CNBD2: variants seen among roughly 807,000 people sequenced by gnomAD.
The protein encoded by CNBD2 is cyclic nucleotide-binding domain-containing protein 2.
In CNBD2, 64 loss-of-function variants were observed where a neutral mutation model predicts 63.7. The observed-to-expected ratio is 1.00, with a 90% CI of 0.82 to 1.24. CNBD2 has a LOEUF of 1.24. Ranked by LOEUF, CNBD2 falls within the 50% of genes most tolerant of loss-of-function variation. The probability of loss-of-function intolerance (pLI) is 0.00; values close to 1 mark genes in which losing one functional copy is unlikely to be tolerated. For synonymous variants in CNBD2, 229 were observed against 255.4 expected (o/e 0.90, Z 0.99); for missense variants, 691 against 713.5 (o/e 0.97, Z 0.36).
chr20:36,000,891 G>C (rs2147291599), intron 8 of CNBD2, among the ~76,000 whole-genome samples: 1 of 151,632 alleles, frequency 6.6e-6, no homozygotes, highest in Non-Finnish European at 1.5e-5. Flanking sequence ...AGAGGACCCT[G>C]CGGCCTTCCG....
chr20:35,988,780 G>A (rs76289949), intron 7 of CNBD2, among the ~76,000 whole-genome samples: 2,388 of 152,168 alleles, frequency 0.016, 57 homozygotes, highest in African/African-American at 0.054. Flanking sequence ...TGTCCAGGAT[G>A]TACATTTTTG....
At chr20:35,994,357 G>A (rs558994925) in intron 7 of CNBD2, among the ~76,000 whole-genome samples, 2 of 150,098 alleles carry the variant, frequency 1.3e-5, no homozygotes, top group African/African-American at 4.9e-5. Context: ...GAGCCACAAG[G>A]CCGGCTTAAT....
In CNBD2 at chr20:36,030,663, G is replaced by A; in HGVS notation, c.*15G>A. 1.9e-6 allele frequency: 3 copies of A among 1,613,148 alleles called. No homozygotes were observed. The highest frequency in any genetic ancestry group is 1.1e-5 in the South Asian group (1 of 91,028). ...TCTTGGCTTAGTGTAAGAGCACAGGGGTCCTTATTTAGGACAAATAAAGGA... is the reference window on the plus strand; with the variant it reads ...TCTTGGCTTAGTGTAAGAGCACAGGAGTCCTTATTTAGGACAAATAAAGGA... On this transcript the variant is annotated 3_prime_UTR_variant, in exon 12 of 12. Coordinates refer to ENST00000373973, the MANE Select transcript of CNBD2 (RefSeq NM_001365709.1).
At chr20:35,975,367 C>A (rs2056496459) in intron 2 of CNBD2, among the ~76,000 whole-genome samples, 1 of 113,900 alleles carries the variant, frequency 8.8e-6, no homozygotes. Context: ...GTGGCGCGAT[C>A]TCGGCTCACT....
chr20:35,956,688 A>G (rs757692588), downstream of CNBD2, among the ~76,000 whole-genome samples: 1 of 152,238 alleles, frequency 6.6e-6, no homozygotes, highest in South Asian at 2.1e-4. Flanking sequence ...AGTGACCAAC[A>G]GTGCTATTCC....
chr20:36,002,449 A>C (rs539313563), intron 8 of CNBD2, among the ~76,000 whole-genome samples: 122 of 152,014 alleles, frequency 8.0e-4, no homozygotes, highest in African/African-American at 2.8e-3. Flanking sequence ...AGGGAGAGGG[A>C]GAGCCTAATT....
chr20:36,023,825 C>A, intron 11 of CNBD2, 54 bp downstream of exon 11: 1 of 1,460,904 alleles, frequency 6.8e-7, no homozygotes, highest in Non-Finnish European at 9.2e-7. Flanking sequence ...CAATTTTTCA[C>A]CTGTTATTTT....
intron 3 of CNBD2, among the ~76,000 whole-genome samples, chr20:35,976,699 C>T (rs1338342529): frequency 2.0e-5 from 3 of 152,158 alleles, no homozygotes; most frequent in Admixed American, 6.5e-5. Flanking sequence ...ATCTTCTTGG[C>T]TTCTCTCCAT....
chr20:35,995,273 C>T, intron 8 of CNBD2, 121 bp downstream of exon 8: 1 of 601,568 alleles, frequency 1.7e-6, no homozygotes, highest in Non-Finnish European at 2.9e-6. Flanking sequence ...CATCTGCACC[C>T]TTCTACCAGC....
At chr20:35,996,810 A>G (rs2056832184) in intron 8 of CNBD2, among the ~76,000 whole-genome samples, 1 of 152,112 alleles carries the variant, frequency 6.6e-6, no homozygotes, top group Admixed American at 6.6e-5. Context: ...ACCTGGCCTA[A>G]TAACTCTTTA....
intron 7 of CNBD2, among the ~76,000 whole-genome samples, chr20:35,988,380 A>G (rs2056698101): frequency 6.6e-6 from 1 of 151,596 alleles, no homozygotes; most frequent in Non-Finnish European, 1.5e-5. Flanking sequence ...CATACTGGCC[A>G]GGCTGGTTTC....
chr20:35,954,758 C>T (rs994398375), exon 1 of CNBD2: 6 of 579,598 alleles, frequency 1.0e-5, no homozygotes, highest in African/African-American at 6.0e-5. Flanking sequence ...TTGCAGGTGA[C>T]CTTTGCGTGC....
intron 9 of CNBD2, 82 bp downstream of exon 9, chr20:36,008,556 A>T (rs2057015651): frequency 7.2e-7 from 1 of 1,379,960 alleles, no homozygotes; most frequent in African/African-American, 1.5e-5. Context: ...AATGTCAGGG[A>T]TGCGGATAAG....
At chr20:35,980,389 G>A (rs2056579371) in intron 3 of CNBD2, 70 bp from the exon 4 acceptor site, 1 of 1,413,332 alleles carries the variant, frequency 7.1e-7, no homozygotes, top group African/African-American at 1.4e-5. Flanking sequence ...GCAGGACTGT[G>A]GGGTGTTGCC....
chr20:35,979,296 C>A (rs1043095298), intron 3 of CNBD2, among the ~76,000 whole-genome samples: 1 of 152,174 alleles, frequency 6.6e-6, no homozygotes, highest in Non-Finnish European at 1.5e-5. Context: ...CCCCAGCCTG[C>A]CATTGAGGAG....
At chr20:36,011,615 T>A (rs1568916565) in intron 10 of CNBD2, among the ~76,000 whole-genome samples, 1 of 152,114 alleles carries the variant, frequency 6.6e-6, no homozygotes, top group Non-Finnish European at 1.5e-5. Context: ...TTACCACTCC[T>A]ATTCAACATT....
At chr20:36,011,408 C>T (rs757379567) in intron 10 of CNBD2, 151 bp downstream of exon 10, 73 of 1,039,780 alleles carry the variant, frequency 7.0e-5, no homozygotes, top group Non-Finnish European at 8.1e-5. Context: ...AAGAATAGGC[C>T]GGGCGCGGTG....
At chr20:35,964,617 G>A (rs1156571473), upstream of CNBD2, among the ~76,000 whole-genome samples, 1 of 149,672 alleles carries the variant, frequency 6.7e-6, no homozygotes, top group Non-Finnish European at 1.5e-5. Context: ...GGATGGTCTC[G>A]ATCTCCTGAC....
At chr20:35,985,368 G>A (rs1436055415) in intron 6 of CNBD2, among the ~76,000 whole-genome samples, 1 of 151,804 alleles carries the variant, frequency 6.6e-6, no homozygotes, top group Non-Finnish European at 1.5e-5. Context: ...ATCTTGTTAT[G>A]TTGCCCAGGC....
Sources: gnomAD v4.1 joint callset for allele counts (sites outside exome capture counted in the v4.1 genomes callset) on GRCh38, gnomAD v4.1.1 for gene constraint, MANE v1.5 for transcripts, NCBI Gene and HGNC (gene_info 2026-07-23, HGNC 2026-07-21) for gene names.